Variants in MOBP observed in about 807,000 individuals in gnomAD.
MOBP encodes myelin associated oligodendrocyte basic protein.
MOBP carries 5 observed loss-of-function variants against 15.0 expected under a neutral mutation model. The observed-to-expected ratio is 0.33, with a 90% CI of 0.17 to 0.70. The LOEUF (loss-of-function observed/expected upper bound fraction) is 0.70, where lower values mean the gene tolerates loss of function less well. MOBP is among the 30% of genes least tolerant of loss of function. The pLI, the probability that MOBP is intolerant of heterozygous loss-of-function variation, is 0.67. For synonymous variants in MOBP, 88 were observed against 99.0 expected (o/e 0.89, Z 0.66); for missense variants, 188 against 257.8 (o/e 0.73, Z 1.85).
intron 4 of MOBP, among the ~76,000 whole-genome samples, chr3:39,508,225 T>C (rs1365488642): frequency 3.9e-5 from 6 of 152,272 alleles, no homozygotes; most frequent in East Asian, 3.8e-4. Context: ...GTAGTTTATA[T>C]GCTCACACAC....
chr3:39,514,870 C>G (rs568489395), exon 5 of MOBP: 1 of 152,312 alleles, frequency 6.6e-6, no homozygotes, highest in Non-Finnish European at 1.5e-5. Context: ...CTACCACATC[C>G]CCTACACACA....
Position 39,502,634 on chromosome 3 carries a change from G to T in MOBP, c.306G>T (p.Arg102Ser). The change falls in exon 4 of 4, where the codon AGG becomes AGT. Residue 102 changes from arginine to serine, a missense_variant. By Grantham distance (110) the Arg-to-Ser change is moderately radical (BLOSUM62 -1). This residue lies in a region of MOBP where 133 missense variants were observed against 212.5 expected (regional missense o/e 0.63). Coordinates refer to ENST00000684792, the MANE Select transcript of MOBP (RefSeq NM_001393704.1). This position sits in a 1 kb window ranked among gnomAD's most constrained non-coding sequence, Gnocchi z 6.3. ...CAGCCAAGCCACGGTCCCCTCCGAG[G>T]TCTGAGCGTCAGCCACGGTCCCCTC... Reference protein sequence around the residue: ...RAPAKPRSPPRSERQPRSPPR... With the variant: ...RAPAKPRSPPSSERQPRSPPR... The T allele has an allele frequency of 6.5e-7, 1 of 1,543,532 alleles. No homozygotes were observed. The highest frequency in any genetic ancestry group is 8.7e-7 in the Non-Finnish European group (1 of 1,151,830).
chr3:39,482,479 G>A (rs867367031), intron 2 of MOBP, among the ~76,000 whole-genome samples: 3 of 151,828 alleles, frequency 2.0e-5, no homozygotes, highest in African/African-American at 7.3e-5. Context: ...GTGAAACCCC[G>A]TCTCTACTAA....
At chr3:39,486,940 T>A (rs534710621) in intron 2 of MOBP, among the ~76,000 whole-genome samples, 16,745 of 151,630 alleles carry the variant, frequency 0.11, 1,172 homozygotes, top group Middle Eastern at 0.18. Context: ...TTTTTTTTTT[T>A]TTTTAACTTC....
exon 5 of MOBP, chr3:39,514,859 T>C (rs1420494631): frequency 6.6e-6 from 1 of 152,190 alleles, no homozygotes; most frequent in Admixed American, 6.5e-5. Context: ...TCCACCAGGA[T>C]CTACCACATC....
rs186904719 is a variant in MOBP at position 39,470,413 on chromosome 3, T to A, written c.-89+2673T>A. 3.3e-4 allele frequency among the ~76,000 whole-genome samples: 51 copies of A among 152,348 alleles called. No individual in the cohort carries two copies. The East Asian group carries it at 8.5e-3, about 25-fold the overall frequency. On this transcript the variant is annotated intron_variant, in intron 1 of 3. Coordinates refer to ENST00000684792, the MANE Select transcript of MOBP (RefSeq NM_001393704.1). ...AACAAAATCTGTGAGGTAGGAACTA[T>A]CATTCACATTTTACAGAGAAGAAAA... is the stretch of plus-strand genomic sequence containing the variant.
At chr3:39,513,131 A>G (rs2125669051) in intron 4 of MOBP, among the ~76,000 whole-genome samples, 1 of 152,372 alleles carries the variant, frequency 6.6e-6, no homozygotes, top group Admixed American at 6.5e-5. Flanking sequence ...GATTAACCAG[A>G]AAAGCAATAA....
At chr3:39,513,257 A>G in intron 4 of MOBP, 1 of 703,740 alleles carries the variant, frequency 1.4e-6, no homozygotes, top group South Asian at 2.6e-5. Context: ...AAAGAGAAGG[A>G]TTTTGCAGAA....
At chr3:39,483,087 T>C (rs2042651493) in intron 2 of MOBP, among the ~76,000 whole-genome samples, 1 of 152,196 alleles carries the variant, frequency 6.6e-6, no homozygotes, top group Non-Finnish European at 1.5e-5. Context: ...CTTCTAAAGA[T>C]GGTACTTGTT....
chr3:39,478,693 A>G (rs1376334557), intron 1 of MOBP, among the ~76,000 whole-genome samples: 1 of 152,154 alleles, frequency 6.6e-6, no homozygotes, highest in Admixed American at 6.5e-5. Context: ...TCTCTCAAGG[A>G]TCATAGCCCT....
At chr3:39,500,096 C>T (rs1232961714) in intron 2 of MOBP, 1 of 455,864 alleles carries the variant, frequency 2.2e-6, no homozygotes, top group East Asian at 6.9e-5. Context: ...GGATGTTTAT[C>T]TGCTCTACCC....
At chr3:39,498,028 C>T (rs973134823) in intron 2 of MOBP, among the ~76,000 whole-genome samples, 13 of 152,178 alleles carry the variant, frequency 8.5e-5, no homozygotes, top group Non-Finnish European at 1.3e-4. Flanking sequence ...TTACAATGTA[C>T]CCATCCGGTT....
intron 1 of MOBP, among the ~76,000 whole-genome samples, chr3:39,479,411 A>G (rs1422718454): frequency 1.3e-5 from 2 of 150,408 alleles, no homozygotes; most frequent in African/African-American, 2.4e-5. Flanking sequence ...TTTTTTTTCA[A>G]ATAGCCCTTC....
At chr3:39,495,614 G>A (rs764988699) in intron 2 of MOBP, among the ~76,000 whole-genome samples, 1 of 151,640 alleles carries the variant, frequency 6.6e-6, no homozygotes, top group South Asian at 2.1e-4. Context: ...TTAGCTGGGT[G>A]TAGTAGCACG....
chr3:39,470,667 GT>G (rs2042456502), intron 1 of MOBP, among the ~76,000 whole-genome samples: 1 of 152,062 alleles, frequency 6.6e-6, no homozygotes, highest in African/African-American at 2.4e-5. Context: ...AAAATTATTT[GT>G]ACTCACTAAA....
intron 1 of MOBP, among the ~76,000 whole-genome samples, chr3:39,468,806 A>ATATACATG (rs1468911321): frequency 8.2e-6 from 1 of 121,286 alleles, no homozygotes; most frequent in South Asian, 2.5e-4. Context: ...ATATATACAT[A>ATATACATG]TGTGTGTGTA....
chr3:39,470,627 A>G (rs1022210962), intron 1 of MOBP, among the ~76,000 whole-genome samples: 6 of 152,228 alleles, frequency 3.9e-5, no homozygotes, highest in Non-Finnish European at 8.8e-5. Context: ...GAACTAAGCA[A>G]TATTTTAAAA....
chr3:39,506,998 T>A (rs1707969), downstream of MOBP, among the ~76,000 whole-genome samples: 2 of 152,060 alleles, frequency 1.3e-5, no homozygotes, highest in African/African-American at 2.4e-5. Context: ...GGAACTTTCC[T>A]TCTTCATCTT....
chr3:39,496,736 T>C (rs1420560730), intron 2 of MOBP, among the ~76,000 whole-genome samples: 3 of 151,920 alleles, frequency 2.0e-5, no homozygotes, highest in African/African-American at 7.3e-5. Context: ...CAATCTCGGC[T>C]CACCACAACC....
Sources: gnomAD v4.1 joint callset for allele counts (sites outside exome capture counted in the v4.1 genomes callset) on GRCh38, gnomAD v4.1.1 for gene constraint, gnomAD v4.1.1 regional missense constraint, Gnocchi (gnomAD v3.1) non-coding constraint, MANE v1.5 for transcripts, NCBI Gene and HGNC (gene_info 2026-07-23, HGNC 2026-07-21) for gene names.